Variants in ZNF782 observed in about 807,000 individuals in gnomAD.
The protein encoded by ZNF782 is zinc finger protein 782.
Under a neutral mutation model 13.0 loss-of-function variants are expected in ZNF782, and 12 were observed. The ratio of observed to expected loss-of-function variants is 0.92; its 90% confidence interval spans 0.59 to 1.50. The LOEUF is 1.50. ZNF782 is among the 40% of genes most tolerant of loss of function. ZNF782 has a pLI of 0.00. For synonymous variants in ZNF782, 284 were observed against 283.0 expected, an observed-to-expected ratio of 1.00 and a Z score of -0.04; for missense variants, 770 against 822.9, an observed-to-expected ratio of 0.94 and a Z score of 0.79.
chr9:96,898,637 C>T, the ZNF782 span, among the ~76,000 whole-genome samples: 1 of 147,384 alleles, frequency 6.8e-6, no homozygotes, highest in Non-Finnish European at 1.5e-5. Context: ...ACCTCTGCCT[C>T]CCGGGCTCAA....
intron 5 of ZNF782, among the ~76,000 whole-genome samples, chr9:96,823,826 G>A (rs575573189): frequency 1.3e-5 from 2 of 152,074 alleles, no homozygotes; most frequent in African/African-American, 2.4e-5. Context: ...CTTACTCTAC[G>A]TTATGCCAGG....
At chr9:96,848,719 G>A (rs1851409809) in intron 3 of ZNF782, among the ~76,000 whole-genome samples, 1 of 152,194 alleles carries the variant, frequency 6.6e-6, no homozygotes, top group Non-Finnish European at 1.5e-5. Context: ...TCATGGATTG[G>A]AAGAATCAAT....
the ZNF782 span, chr9:96,931,931 G>A: frequency 3.1e-6 from 5 of 1,612,032 alleles, no homozygotes; most frequent in Middle Eastern, 2.2e-4. Context: ...CCCAAGTGGG[G>A]CTGGGGCTTC....
At chr9:96,901,651 T>C in the ZNF782 span, among the ~76,000 whole-genome samples, 2 of 151,844 alleles carry the variant, frequency 1.3e-5, no homozygotes, top group Admixed American at 1.3e-4. Flanking sequence ...AGTGACCATT[T>C]AAGTATAAGA....
the ZNF782 span, among the ~76,000 whole-genome samples, chr9:96,932,951 A>G: frequency 1.3e-5 from 2 of 148,854 alleles, no homozygotes; most frequent in Non-Finnish European, 3.0e-5. Flanking sequence ...GCCCCGCCCC[A>G]ATACTTACTT....
the ZNF782 span, among the ~76,000 whole-genome samples, chr9:96,915,452 G>A: frequency 1.3e-5 from 2 of 150,128 alleles, no homozygotes; most frequent in Non-Finnish European, 2.9e-5. Context: ...GCCAAGGCGG[G>A]CAGATCACCT....
At chr9:96,913,641 C>T in the ZNF782 span, among the ~76,000 whole-genome samples, 10 of 150,396 alleles carry the variant, frequency 6.6e-5, no homozygotes, top group Non-Finnish European at 8.8e-5. Context: ...CTCCTGCCTC[C>T]GCCTCCCAAG....
At chr9:96,859,128 T>G (rs1322599307), upstream of ZNF782, among the ~76,000 whole-genome samples, 1 of 152,172 alleles carries the variant, frequency 6.6e-6, no homozygotes, top group Non-Finnish European at 1.5e-5. Context: ...TGGTTGGAAC[T>G]TGAGTTGTGG....
the ZNF782 span, among the ~76,000 whole-genome samples, chr9:96,930,523 C>CAA: frequency 2.3e-4 from 14 of 61,596 alleles, no homozygotes; most frequent in East Asian, 4.9e-4. Flanking sequence ...GACTCCGTCT[C>CAA]AAAAAAAAAA....
intron 4 of ZNF782, among the ~76,000 whole-genome samples, chr9:96,829,711 T>C (rs1850736923): frequency 6.6e-6 from 1 of 151,970 alleles, no homozygotes; most frequent in African/African-American, 2.4e-5. Flanking sequence ...AGATGGGCCC[T>C]GAAACAAGTT....
intron 1 of ZNF782, among the ~76,000 whole-genome samples, chr9:96,870,694 A>T (rs1384380024): frequency 6.6e-6 from 1 of 152,224 alleles, no homozygotes; most frequent in Non-Finnish European, 1.5e-5. Flanking sequence ...TTTAAAGATA[A>T]CTTTTCTGTT....
chr9:96,929,217 G>A, the ZNF782 span, among the ~76,000 whole-genome samples: 1 of 152,172 alleles, frequency 6.6e-6, no homozygotes, highest in Non-Finnish European at 1.5e-5. Flanking sequence ...GGTTAGGGAG[G>A]AGGGCTCCTT....
At chr9:96,886,741 G>A in the ZNF782 span, among the ~76,000 whole-genome samples, 1 of 151,952 alleles carries the variant, frequency 6.6e-6, no homozygotes, top group South Asian at 2.1e-4. Context: ...TGGCCAACAT[G>A]GAGAAACCTC....
At chr9:96,869,965 T>A (rs1291885186) in intron 1 of ZNF782, among the ~76,000 whole-genome samples, 1 of 152,212 alleles carries the variant, frequency 6.6e-6, no homozygotes, top group Non-Finnish European at 1.5e-5. Flanking sequence ...AGGTAACAGA[T>A]GATACTGCTG....
At chr9:96,911,055 C>CA in the ZNF782 span, among the ~76,000 whole-genome samples, 2 of 148,904 alleles carry the variant, frequency 1.3e-5, no homozygotes, top group Non-Finnish European at 3.0e-5. Flanking sequence ...ATGACCAAAC[C>CA]AGCCTTCGGA....
intron 4 of ZNF782, among the ~76,000 whole-genome samples, chr9:96,842,219 G>A (rs1006112988): frequency 6.6e-6 from 1 of 151,910 alleles, no homozygotes; most frequent in South Asian, 2.1e-4. Flanking sequence ...AATATATTGT[G>A]TTTATGGATT....
At chr9:96,913,695 G>T in the ZNF782 span, among the ~76,000 whole-genome samples, 5 of 151,798 alleles carry the variant, frequency 3.3e-5, no homozygotes, top group Admixed American at 3.3e-4. Context: ...GCTAATTTTT[G>T]TAATTTTTTA....
At chr9:96,826,395 G>C (rs1372985010) in intron 5 of ZNF782, among the ~76,000 whole-genome samples, 2 of 151,618 alleles carry the variant, frequency 1.3e-5, no homozygotes, top group African/African-American at 4.9e-5. Context: ...TCTGGGGACT[G>C]TTGTGGGGTT....
At chr9:96,914,383 G>T in the ZNF782 span, among the ~76,000 whole-genome samples, 2 of 151,532 alleles carry the variant, frequency 1.3e-5, no homozygotes, top group South Asian at 4.2e-4. Flanking sequence ...GCCTCCCAAG[G>T]TGCTGGGATT....
Sources: gnomAD v4.1 joint callset for allele counts (sites outside exome capture counted in the v4.1 genomes callset) on GRCh38, gnomAD v4.1.1 for gene constraint, MANE v1.5 for transcripts, NCBI Gene and HGNC (gene_info 2026-07-23, HGNC 2026-07-21) for gene names.